UBE2E2: variants seen among roughly 807,000 people sequenced by gnomAD.
UBE2E2 encodes the protein ubiquitin-conjugating enzyme E2 E2.
In UBE2E2, 6 loss-of-function variants were observed where a neutral mutation model predicts 24.7. The observed-to-expected ratio is 0.24, with a 90% confidence interval of 0.13 to 0.48. The LOEUF (loss-of-function observed/expected upper bound fraction) is 0.48. Among genes scored for constraint, UBE2E2 ranks in the 20% least tolerant of loss-of-function variants. The probability of loss-of-function intolerance (pLI) is 0.99; values close to 1 mark genes in which losing one functional copy is unlikely to be tolerated. For missense variants in UBE2E2, 169 were observed against 245.0 expected (o/e 0.69, Z 2.07); for synonymous variants, 104 against 83.6 (o/e 1.24, Z -1.33).
At chr3:23,328,304 C>A (rs147762254) in intron 3 of UBE2E2, among the ~76,000 whole-genome samples, 211 of 152,186 alleles carry the variant, frequency 1.4e-3, no homozygotes, top group African/African-American at 4.7e-3. Context: ...CCCTGACTTA[C>A]AATGGTTAGA....
At chr3:23,347,163 A>T (rs535723816) in intron 3 of UBE2E2, among the ~76,000 whole-genome samples, 62 of 152,344 alleles carry the variant, frequency 4.1e-4, no homozygotes, top group African/African-American at 1.4e-3. Flanking sequence ...TCAAGGATCT[A>T]GAACTAGAAA....
intron 2 of UBE2E2, 61 bp from the exon 3 acceptor site, chr3:23,217,201 G>T: frequency 7.1e-7 from 1 of 1,416,802 alleles, no homozygotes; most frequent in South Asian, 1.2e-5. Flanking sequence ...ACGTTTTAAT[G>T]AAATAAATTG....
At chr3:23,392,992 A>G (rs1261940139) in intron 3 of UBE2E2, among the ~76,000 whole-genome samples, 1 of 152,192 alleles carries the variant, frequency 6.6e-6, no homozygotes, top group Non-Finnish European at 1.5e-5. Flanking sequence ...AGAAGTGGCG[A>G]TGGAGGCCAA....
intron 4 of UBE2E2, among the ~76,000 whole-genome samples, chr3:23,504,141 T>C (rs1694375842): frequency 6.6e-6 from 1 of 152,206 alleles, no homozygotes; most frequent in Admixed American, 6.5e-5. Context: ...TACATATATA[T>C]ACATAAACAC....
At chr3:23,293,469 T>C (rs1362112900) in intron 3 of UBE2E2, among the ~76,000 whole-genome samples, 1 of 152,232 alleles carries the variant, frequency 6.6e-6, no homozygotes, top group Admixed American at 6.5e-5. Flanking sequence ...AAATAGTTGT[T>C]TAATGTGTGT....
intron 3 of UBE2E2, among the ~76,000 whole-genome samples, chr3:23,391,076 T>A (rs7612812): frequency 0.16 from 24,531 of 152,144 alleles, 2,240 homozygotes; most frequent in African/African-American, 0.25. Context: ...ATCCTTAAAA[T>A]AATTCTATGT....
At chr3:23,570,456 G>A (rs1162179297) in intron 5 of UBE2E2, among the ~76,000 whole-genome samples, 1 of 152,224 alleles carries the variant, frequency 6.6e-6, no homozygotes, top group Non-Finnish European at 1.5e-5. Context: ...GGCAGGGGTG[G>A]TATGTGTATA....
chr3:23,234,815 A>C (rs928886137), intron 3 of UBE2E2, among the ~76,000 whole-genome samples: 4 of 152,204 alleles, frequency 2.6e-5, no homozygotes, highest in Admixed American at 2.0e-4. Context: ...AATAGTCTCC[A>C]TGTTTGATAA....
chr3:23,361,389 A>G (rs183439910), intron 3 of UBE2E2, among the ~76,000 whole-genome samples: 10 of 152,336 alleles, frequency 6.6e-5, no homozygotes, highest in Admixed American at 1.3e-4. Flanking sequence ...ACATGTTTAT[A>G]GTAGCACAGT....
In UBE2E2 at chr3:23,218,675, A is replaced by G. The variant is rs531699640; in HGVS notation, c.227+1363A>G. Among the ~76,000 whole-genome samples the G allele has an allele frequency of 6.6e-5, 10 of 152,194 alleles. No individual in the cohort carries two copies. The South Asian group carries it at 1.9e-3, about 28-fold the overall frequency. On this transcript the variant is annotated intron_variant, in intron 3 of 5. Transcript: ENST00000396703. ...CTTTGCTTAAATTTTGACAACCCCA[A>G]TCACCGGCAAAATAAACAACTTTGT...
chr3:23,515,383 A>C (rs1694708687), intron 4 of UBE2E2, among the ~76,000 whole-genome samples: 1 of 152,172 alleles, frequency 6.6e-6, no homozygotes, highest in Admixed American at 6.6e-5. Context: ...ACAGAGTGGC[A>C]GGGAAGGCTT....
chr3:23,242,041 C>T (rs1374853075), intron 3 of UBE2E2, among the ~76,000 whole-genome samples: 2 of 152,164 alleles, frequency 1.3e-5, no homozygotes, highest in Non-Finnish European at 2.9e-5. Context: ...TCTCAAGTAG[C>T]TGAGACTACA....
intron 4 of UBE2E2, among the ~76,000 whole-genome samples, chr3:23,523,636 G>A (rs1694919466): frequency 6.6e-6 from 1 of 151,430 alleles, no homozygotes; most frequent in Non-Finnish European, 1.5e-5. Flanking sequence ...GGGGAAGGTG[G>A]TGTTCTGTTT....
intron 3 of UBE2E2, among the ~76,000 whole-genome samples, chr3:23,498,098 G>A (rs562204528): frequency 6.6e-6 from 1 of 151,954 alleles, no homozygotes; most frequent in African/African-American, 2.4e-5. Flanking sequence ...TTTTGGAAAT[G>A]TCTATGTCTT....
At chr3:23,587,225 TTTAA>T (rs1696645944) in intron 5 of UBE2E2, among the ~76,000 whole-genome samples, 1 of 152,240 alleles carries the variant, frequency 6.6e-6, no homozygotes, top group Non-Finnish European at 1.5e-5. Context: ...CTAACTTGTT[TTTAA>T]TTGTTTCTCC....
intron 5 of UBE2E2, among the ~76,000 whole-genome samples, chr3:23,549,378 A>C (rs956482779): frequency 5.9e-5 from 9 of 152,192 alleles, no homozygotes; most frequent in Non-Finnish European, 1.2e-4. Flanking sequence ...TATGATGCCT[A>C]TTGCTAGACT....
At chr3:23,289,613 T>C (rs6762615) in intron 3 of UBE2E2, among the ~76,000 whole-genome samples, 52,186 of 152,070 alleles carry the variant, frequency 0.34, 9,194 homozygotes, top group South Asian at 0.41. Flanking sequence ...ATAAGTAGAG[T>C]GCATTTCTAG....
intron 3 of UBE2E2, among the ~76,000 whole-genome samples, chr3:23,287,279 C>T (rs565251118): frequency 6.6e-6 from 1 of 152,192 alleles, no homozygotes; most frequent in Non-Finnish European, 1.5e-5. Context: ...TTCCACTTGG[C>T]CATGATAAAA....
intron 3 of UBE2E2, among the ~76,000 whole-genome samples, chr3:23,345,733 A>G (rs1034098089): frequency 2.6e-5 from 4 of 152,204 alleles, no homozygotes; most frequent in African/African-American, 9.7e-5. Flanking sequence ...ATGTCATGTT[A>G]AGCATTTAAA....
Sources: gnomAD v4.1 joint callset for allele counts (sites outside exome capture counted in the v4.1 genomes callset) on GRCh38, gnomAD v4.1.1 for gene constraint, MANE v1.5 for transcripts, NCBI Gene and HGNC (gene_info 2026-07-23, HGNC 2026-07-21) for gene names.